Variants in STAG1 observed in about 807,000 individuals in gnomAD.
STAG1 encodes the protein STAG1 cohesin complex component.
In STAG1, 26 loss-of-function variants were observed where a neutral mutation model predicts 170.9. That is an observed-to-expected ratio of 0.15 (90% CI 0.11 to 0.21). The LOEUF is 0.21. Among genes scored for constraint, STAG1 ranks in the 10% least tolerant of loss-of-function variants. The pLI, the probability that STAG1 is intolerant of heterozygous loss-of-function variation, is 1.00. For synonymous variants in STAG1, 514 were observed against 497.7 expected, an observed-to-expected ratio of 1.03 and a Z score of -0.44; for missense variants, 964 against 1,509.5, an observed-to-expected ratio of 0.64 and a Z score of 5.99.
intron 4 of STAG1, among the ~76,000 whole-genome samples, chr3:136,572,567 G>A (rs946860477): frequency 1.5e-5 from 2 of 133,080 alleles, no homozygotes; most frequent in African/African-American, 6.0e-5. Flanking sequence ...GCGTGCCACT[G>A]CACTGCAGCC....
At position 136,642,514 on chromosome 3, in the gene STAG1, C is replaced by T. The variant is rs138217580; in HGVS notation, c.-83-11533G>A. The stretch of plus-strand genomic sequence containing the variant: ...CTCAAACTCCCAAGTGATCCACCCG[C>T]CTCGGCCTCCCAACATGCTGGGATC... On this transcript the variant is annotated intron_variant, in intron 1 of 33. Transcript: ENST00000383202. 6.4e-3 allele frequency among the ~76,000 whole-genome samples: 978 copies of T among 152,154 alleles called. 12 individuals carry two copies. The highest frequency in any genetic ancestry group is 0.022 in the African/African-American group (930 of 41,528).
At chr3:136,679,750 A>AGCCGGG (rs1942270839) in intron 1 of STAG1, among the ~76,000 whole-genome samples, 1 of 113,942 alleles carries the variant, frequency 8.8e-6, no homozygotes, top group South Asian at 2.6e-4. Flanking sequence ...AAAAAAAAAA[A>AGCCGGG]AATCAGCCGG....
chr3:136,361,766 C>T (rs1311741824), intron 26 of STAG1, among the ~76,000 whole-genome samples: 1 of 152,052 alleles, frequency 6.6e-6, no homozygotes, highest in African/African-American at 2.4e-5. Context: ...TGCGTGCCAA[C>T]ACATCTGGCT....
At chr3:136,751,172 GT>G (rs776717703) in intron 1 of STAG1, among the ~76,000 whole-genome samples, 1,413 of 136,126 alleles carry the variant, frequency 0.01, 17 homozygotes, top group African/African-American at 0.026. Flanking sequence ...GACAAATTGC[GT>G]TTTTTTTTTT....
At chr3:136,361,720 G>A (rs1333181870) in intron 26 of STAG1, among the ~76,000 whole-genome samples, 1 of 152,058 alleles carries the variant, frequency 6.6e-6, no homozygotes, top group Admixed American at 6.6e-5. Context: ...AAGCCATCCT[G>A]TCACTTTACC....
At chr3:136,520,751 C>G (rs1934629928) in intron 7 of STAG1, among the ~76,000 whole-genome samples, 2 of 151,954 alleles carry the variant, frequency 1.3e-5, no homozygotes, top group Non-Finnish European at 2.9e-5. Context: ...TATTATAGCA[C>G]TAGGAATAGG....
intron 28 of STAG1, among the ~76,000 whole-genome samples, chr3:136,352,444 G>C (rs1936469146): frequency 6.6e-6 from 1 of 152,194 alleles, no homozygotes; most frequent in Non-Finnish European, 1.5e-5. Flanking sequence ...ATAGGTGTGA[G>C]CCACAGCGCC....
At chr3:136,557,670 G>A (rs1173174493) in intron 5 of STAG1, among the ~76,000 whole-genome samples, 1 of 152,062 alleles carries the variant, frequency 6.6e-6, no homozygotes. Context: ...AGCCTCCTGA[G>A]TAGCTGGGAT....
intron 12 of STAG1, among the ~76,000 whole-genome samples, chr3:136,471,951 C>A (rs1219926275): frequency 6.6e-6 from 1 of 152,170 alleles, no homozygotes; most frequent in African/African-American, 2.4e-5. Context: ...GACCCTCCCA[C>A]CTTAGCCTCC....
At chr3:136,539,810 T>C (rs1352111234) in intron 6 of STAG1, among the ~76,000 whole-genome samples, 1 of 152,214 alleles carries the variant, frequency 6.6e-6, no homozygotes, top group East Asian at 1.9e-4. Context: ...TAATAATCTG[T>C]TTGTAACAAA....
At chr3:136,359,119 C>T in intron 27 of STAG1, 29 bp downstream of exon 27, 1 of 1,562,266 alleles carries the variant, frequency 6.4e-7, no homozygotes, top group Non-Finnish European at 8.7e-7. Context: ...AAATCAGATT[C>T]TGCATAACAA....
At chr3:136,629,399 G>A (rs1298162917) in intron 2 of STAG1, among the ~76,000 whole-genome samples, 2 of 152,004 alleles carry the variant, frequency 1.3e-5, no homozygotes, top group African/African-American at 2.4e-5. Context: ...GGGCAGAAGT[G>A]TATAAGTACA....
chr3:136,648,337 T>G (rs985960180), intron 1 of STAG1, among the ~76,000 whole-genome samples: 6 of 152,206 alleles, frequency 3.9e-5, no homozygotes, highest in Admixed American at 3.3e-4. Flanking sequence ...ACCAGTAAAC[T>G]GCTTCTACTG....
At chr3:136,521,869 A>G (rs1239816829) in intron 6 of STAG1, among the ~76,000 whole-genome samples, 3 of 152,204 alleles carry the variant, frequency 2.0e-5, no homozygotes, top group African/African-American at 7.2e-5. Context: ...AAGTATAAGC[A>G]TTTCATTGGG....
At chr3:136,705,508 T>C (rs900274417) in intron 1 of STAG1, among the ~76,000 whole-genome samples, 3 of 151,922 alleles carry the variant, frequency 2.0e-5, no homozygotes, top group Admixed American at 6.6e-5. Context: ...ACGTATTGTA[T>C]TGTAGCTCCC....
chr3:136,605,104 C>T (rs956245074), intron 3 of STAG1, among the ~76,000 whole-genome samples: 1 of 152,152 alleles, frequency 6.6e-6, no homozygotes, highest in Non-Finnish European at 1.5e-5. Context: ...CTGGGAAATG[C>T]CATATATTCA....
intron 4 of STAG1, among the ~76,000 whole-genome samples, chr3:136,575,172 T>C (rs1039708372): frequency 7.9e-5 from 12 of 152,224 alleles, no homozygotes; most frequent in Admixed American, 7.9e-4. Flanking sequence ...AGTTACAGTT[T>C]ATATAAAGAA....
intron 7 of STAG1, among the ~76,000 whole-genome samples, chr3:136,506,033 T>G (rs919117456): frequency 2.6e-5 from 4 of 152,158 alleles, no homozygotes; most frequent in African/African-American, 9.7e-5. Context: ...AGGATCCAGT[T>G]AACCTATCCT....
intron 4 of STAG1, among the ~76,000 whole-genome samples, chr3:136,570,247 G>C (rs1342758433): frequency 6.6e-6 from 1 of 152,076 alleles, no homozygotes; most frequent in East Asian, 1.9e-4. Context: ...TTATTATACT[G>C]ATGCATATTA....
Sources: allele counts gnomAD v4.1 joint callset (sites outside exome capture counted in the v4.1 genomes callset), GRCh38; gene constraint gnomAD v4.1.1; transcripts MANE v1.5; gene names NCBI Gene and HGNC (gene_info 2026-07-23, HGNC 2026-07-21).